The following CLDN10 variants were observed in gnomAD, a reference collection of about 807,000 sequenced individuals.
The protein encoded by CLDN10 is claudin-10.
CLDN10 carries 15 observed loss-of-function variants against 22.9 expected under a neutral mutation model. The observed-to-expected ratio is 0.65, with a 90% CI of 0.44 to 1.01. The LOEUF (loss-of-function observed/expected upper bound fraction) is 1.01. Ranked by LOEUF, CLDN10 falls within the 50% of genes least tolerant of loss-of-function variation. The pLI, the probability that CLDN10 is intolerant of heterozygous loss-of-function variation, is 0.00. For missense variants in CLDN10, 247 were observed against 287.8 expected, an observed-to-expected ratio of 0.86 and a Z score of 1.03; for synonymous variants, 114 against 111.4, an observed-to-expected ratio of 1.02 and a Z score of -0.15.
At chr13:95,568,815 C>T (rs563263027) in intron 3 of CLDN10, among the ~76,000 whole-genome samples, 5 of 152,180 alleles carry the variant, frequency 3.3e-5, no homozygotes, top group African/African-American at 1.2e-4. Flanking sequence ...AATGGTAAGA[C>T]GGAGTGTGCT....
Position 95,463,286 on chromosome 13 carries a change from ATAT to A in CLDN10, c.214+29240_214+29242del, listed in dbSNP as rs1241062397. On this transcript the variant is annotated intron_variant, in intron 1 of 4. Coordinates refer to the CLDN10 transcript ENST00000376873. ...GTTGAGTCAAAAGTGCAAATGCTTA[ATAT>A]ATATATATATATATATATATATATA... is the stretch of plus-strand genomic sequence containing the variant. Among the ~76,000 whole-genome samples, 68 of 22,318 alleles carry A rather than the reference ATAT, an allele frequency of 3.0e-3. 4 individuals are homozygous for A. The highest frequency in any genetic ancestry group is 7.0e-3 in the South Asian group (10 of 1,422). The allele number at this position is 22,318 out of a possible 152,430, so 14.6% of individuals were successfully genotyped here.
intron 1 of CLDN10, among the ~76,000 whole-genome samples, chr13:95,475,898 G>A (rs1025961937): frequency 8.6e-5 from 13 of 151,938 alleles, no homozygotes; most frequent in South Asian, 4.2e-4. Flanking sequence ...TGGCTCTGCT[G>A]TGATGAGCAC....
chr13:95,574,256 A>G (rs894372236), intron 3 of CLDN10, among the ~76,000 whole-genome samples: 4 of 152,154 alleles, frequency 2.6e-5, no homozygotes, highest in African/African-American at 9.7e-5. Context: ...AGTCTGTGAT[A>G]TGTGTCTTTC....
chr13:95,496,580 A>G (rs902927548), intron 1 of CLDN10, among the ~76,000 whole-genome samples: 2 of 152,206 alleles, frequency 1.3e-5, no homozygotes, highest in African/African-American at 4.8e-5. Flanking sequence ...TTCACGGTCA[A>G]GGGCCGGCAG....
At chr13:95,487,977 C>T (rs2042822783) in intron 1 of CLDN10, among the ~76,000 whole-genome samples, 1 of 96,876 alleles carries the variant, frequency 1.0e-5, no homozygotes, top group African/African-American at 5.7e-5. Context: ...TGAGCCTGGC[C>T]TAATTTTTTT....
At chr13:95,463,475 G>T (rs2042557272) in intron 1 of CLDN10, among the ~76,000 whole-genome samples, 1 of 149,184 alleles carries the variant, frequency 6.7e-6, no homozygotes, top group African/African-American at 2.5e-5. Context: ...TGGGTCTACA[G>T]GCATGTGCCA....
chr13:95,437,029 A>C (rs540445110), intron 1 of CLDN10, among the ~76,000 whole-genome samples: 1 of 152,270 alleles, frequency 6.6e-6, no homozygotes, highest in East Asian at 1.9e-4. Flanking sequence ...AAAAGCAGAA[A>C]ATCTGTCTAA....
intron 1 of CLDN10, among the ~76,000 whole-genome samples, chr13:95,515,401 T>C (rs889964003): frequency 6.6e-6 from 1 of 152,216 alleles, no homozygotes. Context: ...GGTTTTGCCA[T>C]GTTGGCCAGG....
intron 3 of CLDN10, among the ~76,000 whole-genome samples, chr13:95,566,671 G>A (rs898099136): frequency 3.9e-5 from 6 of 152,118 alleles, no homozygotes; most frequent in African/African-American, 1.4e-4. Flanking sequence ...ATTGCTTTTG[G>A]TGTTTTAGTC....
At chr13:95,565,010 T>A (rs1170038297) in intron 3 of CLDN10, among the ~76,000 whole-genome samples, 1 of 152,218 alleles carries the variant, frequency 6.6e-6, no homozygotes, top group Non-Finnish European at 1.5e-5. Flanking sequence ...GAGCTATGAC[T>A]ATGTTTGATG....
chr13:95,466,478 G>C (rs1032720328), intron 1 of CLDN10, among the ~76,000 whole-genome samples: 1 of 152,136 alleles, frequency 6.6e-6, no homozygotes, highest in Non-Finnish European at 1.5e-5. Context: ...TTGAACCAGA[G>C]AATGTGCATT....
intron 1 of CLDN10, among the ~76,000 whole-genome samples, chr13:95,449,753 T>C (rs1402109217): frequency 2.7e-5 from 4 of 150,054 alleles, no homozygotes; most frequent in Non-Finnish European, 5.9e-5. Flanking sequence ...TTTTTTTTTT[T>C]TTCTTTTTGA....
intron 3 of CLDN10, among the ~76,000 whole-genome samples, chr13:95,569,945 T>G (rs1295334235): frequency 6.6e-6 from 1 of 152,140 alleles, no homozygotes; most frequent in Non-Finnish European, 1.5e-5. Flanking sequence ...ATTTTTTATA[T>G]TTTTAGTAGA....
At position 95,434,041 on chromosome 13, in the gene CLDN10, G is replaced by C. The variant is rs1376470928; in HGVS notation, c.208G>C (p.Val70Leu). 9 of 1,613,864 alleles carry C rather than the reference G, an allele frequency of 5.6e-6. No individual in the cohort carries two copies. The East Asian group carries it at 1.8e-4, about 32-fold the overall frequency. ...CCGACCGCATTTTACTATCTTCAAA[G>C]TAGCAGGTAAATATAATGGCTTTGT... Residue 70 changes from valine to leucine, a missense_variant, in exon 1 of 5, where the codon GTA (valine) becomes CTA (leucine). Val to Leu is a conservative substitution (Grantham distance 32). Transcript: ENST00000376873.
chr13:95,568,803 A>G (rs12855856), intron 3 of CLDN10, among the ~76,000 whole-genome samples: 3,046 of 152,266 alleles, frequency 0.02, 58 homozygotes, highest in Middle Eastern at 0.034. Context: ...CATATCTCCT[A>G]GAATGGTAAG....
intron 1 of CLDN10, among the ~76,000 whole-genome samples, chr13:95,446,561 G>A (rs2042380701): frequency 2.0e-5 from 3 of 152,208 alleles, no homozygotes; most frequent in Admixed American, 2.0e-4. Context: ...ATATAAGAAG[G>A]TTGGACGCAG....
At chr13:95,567,424 T>C (rs1208623938) in intron 3 of CLDN10, among the ~76,000 whole-genome samples, 1 of 152,228 alleles carries the variant, frequency 6.6e-6, no homozygotes, top group Non-Finnish European at 1.5e-5. Context: ...TCTCTGTTTG[T>C]CTGTTATTGA....
intron 1 of CLDN10, among the ~76,000 whole-genome samples, chr13:95,494,956 A>G (rs1336976467): frequency 1.3e-5 from 2 of 151,888 alleles, no homozygotes; most frequent in African/African-American, 2.4e-5. Flanking sequence ...TAAAATTAAT[A>G]TTTCATTTTA....
At chr13:95,481,858 A>G (rs531613003) in intron 1 of CLDN10, among the ~76,000 whole-genome samples, 4 of 152,220 alleles carry the variant, frequency 2.6e-5, no homozygotes, top group African/African-American at 7.2e-5. Flanking sequence ...CATCTCTACT[A>G]AAAATACAAA....
Sources: allele counts gnomAD v4.1 joint callset (sites outside exome capture counted in the v4.1 genomes callset), GRCh38; gene constraint gnomAD v4.1.1; transcripts MANE v1.5; gene names NCBI Gene and HGNC (gene_info 2026-07-23, HGNC 2026-07-21).